The following CSMD1 variants were observed in gnomAD, a reference collection of about 807,000 sequenced individuals.
CSMD1 encodes CUB and Sushi multiple domains 1.
CSMD1 carries 213 observed loss-of-function variants against 417.5 expected under a neutral mutation model. The observed-to-expected ratio is 0.51, with a 90% CI of 0.46 to 0.57. The LOEUF (loss-of-function observed/expected upper bound fraction) is 0.57, where lower values mean the gene tolerates loss of function less well. Ranked by LOEUF, CSMD1 falls within the 20% of genes least tolerant of loss-of-function variation. The pLI is 0.00. For synonymous variants in CSMD1, 2,862 were observed against 1,736.8 expected (o/e 1.65, Z -16.11); for missense variants, 6,923 against 4,529.7 (o/e 1.53, Z -15.17).
intron 1 of CSMD1, among the ~76,000 whole-genome samples, chr8:4,875,747 A>G (rs1284865538): frequency 6.6e-6 from 1 of 152,162 alleles, no homozygotes. Context: ...GTATGCTCAA[A>G]CAAGCAACCT....
intron 25 of CSMD1, among the ~76,000 whole-genome samples, chr8:3,291,502 G>A (rs888658895): frequency 1.3e-5 from 2 of 152,106 alleles, no homozygotes; most frequent in African/African-American, 4.8e-5. Context: ...CTCAATTTCA[G>A]ACCCTGTTAT....
intron 10 of CSMD1, among the ~76,000 whole-genome samples, chr8:3,498,229 C>G (rs999479928): frequency 6.6e-6 from 1 of 152,082 alleles, no homozygotes; most frequent in African/African-American, 2.4e-5. Context: ...TGTTTTTAGA[C>G]TTCTCTTTGT....
intron 1 of CSMD1, among the ~76,000 whole-genome samples, chr8:4,895,356 T>C (rs1462032237): frequency 2.6e-5 from 4 of 152,116 alleles, no homozygotes; most frequent in African/African-American, 7.2e-5. Context: ...AATGTAAGTG[T>C]AACAGCATGT....
chr8:4,039,564 G>A (rs1227074367), intron 3 of CSMD1, among the ~76,000 whole-genome samples: 1 of 152,168 alleles, frequency 6.6e-6, no homozygotes, highest in South Asian at 2.1e-4. Context: ...CCAGGAGGTG[G>A]CAGTCATTGA....
chr8:4,409,658 T>G (rs1298597928), intron 3 of CSMD1, among the ~76,000 whole-genome samples: 1 of 149,462 alleles, frequency 6.7e-6, no homozygotes, highest in Non-Finnish European at 1.5e-5. Context: ...TTTTTTTTTT[T>G]TTTTAACACA....
At chr8:3,682,899 G>A (rs1343913839) in intron 7 of CSMD1, among the ~76,000 whole-genome samples, 1 of 152,076 alleles carries the variant, frequency 6.6e-6, no homozygotes, top group Non-Finnish European at 1.5e-5. Context: ...GTAGAAACAT[G>A]GATGAAGCTG....
chr8:3,550,946 A>T (rs1223148207), intron 10 of CSMD1, among the ~76,000 whole-genome samples: 1 of 152,172 alleles, frequency 6.6e-6, no homozygotes, highest in Non-Finnish European at 1.5e-5. Context: ...TTCTCTCATC[A>T]GATGACAAAC....
At chr8:4,725,731 C>T (rs1288548974) in intron 1 of CSMD1, among the ~76,000 whole-genome samples, 1 of 152,128 alleles carries the variant, frequency 6.6e-6, no homozygotes, top group Non-Finnish European at 1.5e-5. Context: ...AACAGAGAAA[C>T]AATTTGCTGT....
chr8:3,086,128 G>A (rs776347718), intron 49 of CSMD1, among the ~76,000 whole-genome samples: 1 of 152,022 alleles, frequency 6.6e-6, no homozygotes, highest in Non-Finnish European at 1.5e-5. Context: ...TATAAACAGA[G>A]TCATAGAACA....
Position 3,985,924 on chromosome 8 carries a change from C to T in CSMD1, c.818+11979G>A, listed in dbSNP as rs539338380. Among the ~76,000 whole-genome samples, 80 of 116,626 alleles carry T rather than the reference C, an allele frequency of 6.9e-4. No homozygotes were observed. In the South Asian group the frequency reaches 0.02, roughly 29 times the overall value. 76.5% of individuals were successfully genotyped at this position (116,626 alleles called of 152,430 possible). On this transcript the variant is annotated intron_variant, in intron 5 of 69. Transcript: ENST00000635120. ...ACTTTGAACATTTCAAACCATTTTG[C>T]ATAACTCAATTTTTTTTTCTAATTC...
intron 1 of CSMD1, among the ~76,000 whole-genome samples, chr8:4,804,848 A>G (rs1798501304): frequency 6.6e-6 from 1 of 152,224 alleles, no homozygotes. Context: ...AAATACAGAC[A>G]TGGCTCATTG....
At chr8:4,380,378 A>G (rs1049049126) in intron 3 of CSMD1, among the ~76,000 whole-genome samples, 6 of 152,212 alleles carry the variant, frequency 3.9e-5, no homozygotes, top group Admixed American at 3.3e-4. Flanking sequence ...CCAAAAATCT[A>G]TAGCTCCAGT....
At chr8:3,634,401 T>C (rs1012753792) in intron 7 of CSMD1, among the ~76,000 whole-genome samples, 4 of 152,270 alleles carry the variant, frequency 2.6e-5, no homozygotes, top group Middle Eastern at 3.4e-3. Flanking sequence ...AGAGCTTCTG[T>C]GGTCTGCAAT....
chr8:3,142,755 T>C, intron 40 of CSMD1, 81 bp from the exon 41 acceptor site: 2 of 1,154,704 alleles, frequency 1.7e-6, no homozygotes, highest in Non-Finnish European at 2.6e-6. Flanking sequence ...ACTGAAGTGT[T>C]AGCAGTCTCC....
intron 3 of CSMD1, among the ~76,000 whole-genome samples, chr8:4,311,271 T>A (rs1798548589): frequency 6.6e-6 from 1 of 152,028 alleles, no homozygotes; most frequent in Admixed American, 6.5e-5. Context: ...AATGACAGAT[T>A]AGATAAAGAA....
chr8:4,086,335 G>T (rs1158687094), intron 3 of CSMD1, among the ~76,000 whole-genome samples: 1 of 152,152 alleles, frequency 6.6e-6, no homozygotes, highest in African/African-American at 2.4e-5. Flanking sequence ...TTTTCATTAA[G>T]CACTAATTCT....
At chr8:4,366,955 G>A (rs1006535764) in intron 3 of CSMD1, among the ~76,000 whole-genome samples, 1 of 151,910 alleles carries the variant, frequency 6.6e-6, no homozygotes, top group African/African-American at 2.4e-5. Flanking sequence ...CACCTTTGTT[G>A]GATGTGTACT....
intron 3 of CSMD1, among the ~76,000 whole-genome samples, chr8:4,163,541 G>T (rs1797286143): frequency 1.3e-5 from 2 of 152,144 alleles, no homozygotes; most frequent in African/African-American, 4.8e-5. Context: ...ATTAGGTAAA[G>T]CTACAGCATC....
At chr8:4,446,785 GTGTGTGTGTGTA>G (rs1798834670) in intron 2 of CSMD1, among the ~76,000 whole-genome samples, 2 of 128,690 alleles carry the variant, frequency 1.6e-5, no homozygotes, top group South Asian at 5.1e-4. Flanking sequence ...GTGTGTGTGT[GTGTGTGTGTGTA>G]TTTTTAGTAG....
Sources: gnomAD v4.1 joint callset for allele counts (sites outside exome capture counted in the v4.1 genomes callset) on GRCh38, gnomAD v4.1.1 for gene constraint, MANE v1.5 for transcripts, NCBI Gene and HGNC (gene_info 2026-07-23, HGNC 2026-07-21) for gene names.